CDKAL1: variants seen among roughly 807,000 people sequenced by gnomAD.
CDKAL1 encodes threonylcarbamoyladenosine tRNA methylthiotransferase.
Under a neutral mutation model 68.2 loss-of-function variants are expected in CDKAL1, and 32 were observed. The observed-to-expected ratio is 0.47, with a 90% CI of 0.35 to 0.63. The LOEUF is 0.63. CDKAL1 is among the 30% of genes least tolerant of loss of function. The probability of loss-of-function intolerance (pLI) is 0.00; values close to 1 mark genes in which losing one functional copy is unlikely to be tolerated. For missense variants in CDKAL1, 606 were observed against 696.7 expected (o/e 0.87, Z 1.47); for synonymous variants, 234 against 244.3 (o/e 0.96, Z 0.39).
At chr6:20,821,533 T>C (rs2150442698) in intron 8 of CDKAL1, among the ~76,000 whole-genome samples, 1 of 152,324 alleles carries the variant, frequency 6.6e-6, no homozygotes, top group East Asian at 1.9e-4. Context: ...TATCATTTGC[T>C]TATATATTAG....
chr6:21,163,688 T>G (rs6914598), intron 13 of CDKAL1, among the ~76,000 whole-genome samples: 1 of 151,968 alleles, frequency 6.6e-6, no homozygotes, highest in Non-Finnish European at 1.5e-5. Flanking sequence ...CGGTGGCTCA[T>G]GCCTGTAATC....
intron 4 of CDKAL1, among the ~76,000 whole-genome samples, chr6:20,591,759 GT>G (rs1765601375): frequency 6.6e-6 from 1 of 152,134 alleles, no homozygotes; most frequent in African/African-American, 2.4e-5. Context: ...GTACCATGCT[GT>G]TTTGGTTACC....
intron 10 of CDKAL1, 42 bp downstream of exon 10, chr6:20,955,627 A>C: frequency 1.3e-6 from 2 of 1,564,400 alleles, no homozygotes; most frequent in Non-Finnish European, 8.8e-7. Flanking sequence ...ATAGACACTA[A>C]CCAGTCCAGA....
chr6:21,200,211 A>G (rs1391056190), intron 14 of CDKAL1, among the ~76,000 whole-genome samples: 1 of 152,260 alleles, frequency 6.6e-6, no homozygotes, highest in Non-Finnish European at 1.5e-5. Context: ...AAGGAAGGGA[A>G]ACGTTTGCTT....
intron 4 of CDKAL1, among the ~76,000 whole-genome samples, chr6:20,629,578 G>A (rs1199814891): frequency 6.6e-6 from 1 of 152,090 alleles, no homozygotes; most frequent in Middle Eastern, 3.2e-3. Context: ...CCAGCAAAGA[G>A]GCTCTTCTGA....
rs1763612408 is a variant in CDKAL1, at chr6:20,546,539, T to C, written c.173+16T>C. The stretch of plus-strand genomic sequence containing the variant: ...CAAGTGACAGGTAAGCTTTTTTCCT[T>C]GAAATTATATTCATTTTCTTTTTTT... On this transcript the variant is annotated intron_variant, in intron 3 of 15. Transcript: ENST00000274695. The C allele has an allele frequency of 6.9e-6, 11 of 1,603,996 alleles. No individual in the cohort carries two copies. In the East Asian group the frequency reaches 1.6e-4, roughly 23 times the overall value.
At chr6:21,174,073 C>T (rs1007774263) in intron 13 of CDKAL1, among the ~76,000 whole-genome samples, 1 of 151,962 alleles carries the variant, frequency 6.6e-6, no homozygotes, top group Non-Finnish European at 1.5e-5. Flanking sequence ...AAGAGAGATC[C>T]TGTCTCAATT....
At chr6:20,905,469 G>C (rs1005263391) in intron 9 of CDKAL1, among the ~76,000 whole-genome samples, 5 of 152,158 alleles carry the variant, frequency 3.3e-5, no homozygotes, top group African/African-American at 1.2e-4. Context: ...CCATGAAACA[G>C]ATCAACATGT....
Position 20,724,492 on chromosome 6 carries a change from A to G in CDKAL1, c.372-15027A>G, listed in dbSNP as rs1581451255. On this transcript the variant is annotated intron_variant, in intron 5 of 15. Transcript: ENST00000274695. ...AGCACTTTGGGAGGCCAAGGAGGAC[A>G]GATGGCTTGAGTTTAGGAGATCCAG... Among the ~76,000 whole-genome samples, 3 of 152,196 alleles carry G rather than the reference A, an allele frequency of 2.0e-5. No individual in the cohort carries two copies. The South Asian group carries it at 6.2e-4, about 32-fold the overall frequency.
Position 20,874,792 on chromosome 6 carries a change from C to T in CDKAL1, c.742+28614C>T, listed in dbSNP as rs1354273576. The stretch of plus-strand genomic sequence containing the variant: ...TGCTGGGATTACAGACATGAGCCAC[C>T]GTGCCAGGCCACAATATTTTAATAT... On this transcript the variant is annotated intron_variant, in intron 9 of 15. Transcript: ENST00000274695. Among the ~76,000 whole-genome samples, 9 of 151,802 alleles carry T rather than the reference C, an allele frequency of 5.9e-5. 1 individual carries two copies. The South Asian group carries it at 6.2e-4, about 11-fold the overall frequency.
At chr6:21,152,158 G>A (rs567568168) in intron 13 of CDKAL1, among the ~76,000 whole-genome samples, 3 of 152,124 alleles carry the variant, frequency 2.0e-5, no homozygotes, top group East Asian at 1.9e-4. Flanking sequence ...TCTGTCTTTC[G>A]TGTCTCAGAA....
chr6:21,092,891 T>G (rs773939130), intron 12 of CDKAL1, among the ~76,000 whole-genome samples: 3 of 150,496 alleles, frequency 2.0e-5, no homozygotes, highest in Admixed American at 6.6e-5. Context: ...TTCAATAGAA[T>G]TGGAAGGTTA....
intron 9 of CDKAL1, among the ~76,000 whole-genome samples, chr6:20,894,391 C>CT (rs5874793): frequency 0.21 from 26,276 of 123,932 alleles, 3,071 homozygotes; most frequent in Middle Eastern, 0.29. Context: ...ACCCCACATA[C>CT]TTTTTTTTTT....
chr6:20,631,124 C>G (rs904550079), intron 4 of CDKAL1, among the ~76,000 whole-genome samples: 1 of 152,178 alleles, frequency 6.6e-6, no homozygotes, highest in Non-Finnish European at 1.5e-5. Context: ...GTCACTATTA[C>G]TCAACCAGGT....
intron 13 of CDKAL1, among the ~76,000 whole-genome samples, chr6:21,128,154 A>G (rs1183120405): frequency 6.6e-6 from 1 of 152,212 alleles, no homozygotes; most frequent in Non-Finnish European, 1.5e-5. Context: ...GAGTTTTAAT[A>G]TGACCATCCT....
chr6:20,601,061 T>C (rs957345411), intron 4 of CDKAL1, among the ~76,000 whole-genome samples: 1 of 152,082 alleles, frequency 6.6e-6, no homozygotes, highest in Admixed American at 6.6e-5. Flanking sequence ...CAGTTTCCTC[T>C]GGATGGCATT....
At chr6:21,033,073 A>C (rs1316683379) in intron 11 of CDKAL1, among the ~76,000 whole-genome samples, 2 of 152,188 alleles carry the variant, frequency 1.3e-5, no homozygotes, top group South Asian at 2.1e-4. Context: ...TTCGTTTGCC[A>C]GTTGGTAAAC....
chr6:21,051,770 T>C (rs1770552875), intron 11 of CDKAL1, among the ~76,000 whole-genome samples: 1 of 152,188 alleles, frequency 6.6e-6, no homozygotes. Context: ...CCAATACATA[T>C]TAAGCACTAT....
chr6:20,671,331 C>G (rs1334326061), intron 5 of CDKAL1, among the ~76,000 whole-genome samples: 1 of 152,042 alleles, frequency 6.6e-6, no homozygotes, highest in African/African-American at 2.4e-5. Flanking sequence ...TCATTCATGT[C>G]TCTTATTGTT....
Sources: gnomAD v4.1 joint callset for allele counts (sites outside exome capture counted in the v4.1 genomes callset) on GRCh38, gnomAD v4.1.1 for gene constraint, MANE v1.5 for transcripts, NCBI Gene and HGNC (gene_info 2026-07-23, HGNC 2026-07-21) for gene names.